Variants in PFKP observed in about 807,000 individuals in gnomAD.
PFKP encodes ATP-dependent 6-phosphofructokinase, platelet type.
PFKP carries 101 observed loss-of-function variants against 94.3 expected under a neutral mutation model. That is an observed-to-expected ratio of 1.07 (90% CI 0.91 to 1.26). The LOEUF (loss-of-function observed/expected upper bound fraction) is 1.26. PFKP is among the 50% of genes most tolerant of loss of function. The pLI is 0.00. For missense variants in PFKP, 1,145 were observed against 1,103.3 expected, an observed-to-expected ratio of 1.04 and a Z score of -0.53; for synonymous variants, 573 against 432.6, an observed-to-expected ratio of 1.32 and a Z score of -4.03.
At chr10:3,076,589 G>A (rs1405202725) in intron 1 of PFKP, among the ~76,000 whole-genome samples, 2 of 151,520 alleles carry the variant, frequency 1.3e-5, no homozygotes, top group Admixed American at 6.6e-5. Context: ...TAGCACTTAC[G>A]GCCATCCATC....
chr10:3,073,471 G>A (rs1832347844), intron 1 of PFKP, among the ~76,000 whole-genome samples: 1 of 144,330 alleles, frequency 6.9e-6, no homozygotes. Flanking sequence ...GTGGGTCTGA[G>A]TGAGGCTCCG....
At chr10:3,072,687 T>G (rs1460282846) in intron 1 of PFKP, among the ~76,000 whole-genome samples, 1 of 151,928 alleles carries the variant, frequency 6.6e-6, no homozygotes, top group African/African-American at 2.4e-5. Flanking sequence ...TTTTCCCCCT[T>G]GGTTACAGAA....
At position 3,082,484 on chromosome 10, in the gene PFKP, C is replaced by A. The variant is rs1554759907; in HGVS notation, c.186+23C>A. On this transcript the variant is annotated intron_variant, in intron 2 of 21. Transcript: ENST00000381125. ...GAGGTCAGTGTCTGCCCCTCACCCC[C>A]TGTCGCCCTTCTTCCACCTGCCCAG... is the stretch of plus-strand genomic sequence containing the variant. 2.5e-6 allele frequency: 4 copies of A among 1,577,002 alleles called. No individual in the cohort carries two copies. In the South Asian group the frequency reaches 3.4e-5, roughly 13 times the overall value.
At position 3,090,181 on chromosome 10, in the gene PFKP, G is replaced by T. The variant is rs568855798; in HGVS notation, c.186+7720G>T. Among the ~76,000 whole-genome samples the T allele has an allele frequency of 1.9e-3, 286 of 152,300 alleles. 1 individual carries two copies. Among genetic ancestry groups the T allele is most frequent in the African/African-American group, 6.7e-3 (278 of 41,560 alleles). On this transcript the variant is annotated intron_variant, in intron 2 of 21. Transcript: ENST00000381125. Reference sequence around the variant, plus strand: ...TAAAATGTGGCGTATATACGCAATGGAATATTTTTAAGCCATTAGAAAACC... The same window carrying T: ...TAAAATGTGGCGTATATACGCAATGTAATATTTTTAAGCCATTAGAAAACC...
intron 10 of PFKP, 113 bp from the exon 11 acceptor site, chr10:3,112,109 C>A: frequency 1.2e-6 from 1 of 843,488 alleles, no homozygotes; most frequent in Non-Finnish European, 2.0e-6. Context: ...GCTGGCTGCC[C>A]GGGTCAGACT....
At chr10:3,094,330 G>A (rs1278434661) in intron 2 of PFKP, among the ~76,000 whole-genome samples, 1 of 152,220 alleles carries the variant, frequency 6.6e-6, no homozygotes, top group South Asian at 2.1e-4. Flanking sequence ...ACATCATGCT[G>A]TTGCATTATT....
At chr10:3,109,240 C>T (rs1288066430) in intron 9 of PFKP, 115 bp from the exon 10 acceptor site, 21 of 1,355,176 alleles carry the variant, frequency 1.5e-5, no homozygotes, top group Admixed American at 1.2e-4. Flanking sequence ...GGGCTGGAAG[C>T]GGGAGGGGCT....
chr10:3,080,284 G>A (rs1044527163), intron 1 of PFKP, among the ~76,000 whole-genome samples: 3 of 152,200 alleles, frequency 2.0e-5, no homozygotes, highest in African/African-American at 7.2e-5. Context: ...TTGGGAGGCT[G>A]AGGCGGATGG....
intron 2 of PFKP, among the ~76,000 whole-genome samples, chr10:3,086,306 C>CAG (rs1057044688): frequency 3.3e-5 from 5 of 152,122 alleles, no homozygotes; most frequent in African/African-American, 1.2e-4. Context: ...ACTCTGGGTG[C>CAG]AGAGGAAAGG....
chr10:3,080,122 A>G (rs924793316), intron 1 of PFKP, among the ~76,000 whole-genome samples: 66 of 152,172 alleles, frequency 4.3e-4, no homozygotes, highest in African/African-American at 1.5e-3. Context: ...GTGCTGCCAG[A>G]CAGGTGGGAG....
intron 15 of PFKP, among the ~76,000 whole-genome samples, chr10:3,119,512 G>A (rs1837179022): frequency 6.6e-6 from 1 of 152,142 alleles, no homozygotes; most frequent in Admixed American, 6.5e-5. Context: ...GGCTGAGGCA[G>A]GAGAATCGCT....
rs1836341825 is a variant in PFKP at position 3,112,427 on chromosome 10, C to T, written c.1154+141C>T. ...GTCAGGCAGTACTCACAGCACCGCT[C>T]TTGCAGTAGCAGGCCCTGGTGACTG... On this transcript the variant is annotated intron_variant, in intron 11 of 21. Transcript: ENST00000381125. 4.2e-6 allele frequency: 3 copies of T among 707,750 alleles called. No individual in the cohort carries two copies. In the South Asian group the frequency reaches 4.6e-5, roughly 11 times the overall value. The allele number at this position is 707,750 out of a possible 1,614,324, so 43.8% of individuals were successfully genotyped here. A position where few individuals can be genotyped will look rare whatever the true frequency, so the allele number is the denominator to read the frequency against.
At chr10:3,098,112 GATTA>G (rs1414565262) in intron 2 of PFKP, among the ~76,000 whole-genome samples, 1 of 152,132 alleles carries the variant, frequency 6.6e-6, no homozygotes, top group African/African-American at 2.4e-5. Flanking sequence ...CTGCACTATT[GATTA>G]ATTTATATAT....
At chr10:3,098,915 C>T (rs1210896347) in intron 2 of PFKP, among the ~76,000 whole-genome samples, 4 of 152,194 alleles carry the variant, frequency 2.6e-5, no homozygotes, top group African/African-American at 9.6e-5. Context: ...GTGCTGTGTG[C>T]CTGTGAGTTT....
chr10:3,126,770 TGTG>T (rs1224995588), intron 16 of PFKP, among the ~76,000 whole-genome samples: 5 of 152,238 alleles, frequency 3.3e-5, no homozygotes, highest in African/African-American at 7.2e-5. Context: ...TGGAGCAAAG[TGTG>T]GTGATGTTTG....
rs542883615 is a variant in PFKP, at chr10:3,110,125, G to A, written c.1089+645G>A. On this transcript the variant is annotated intron_variant, in intron 10 of 21. Coordinates refer to ENST00000381125, the MANE Select transcript of PFKP (RefSeq NM_002627.5). ...TGCCTGCAAATGAACAAAGGGAAAAGCAGTTCCAGCTTTTCAGGCATTGGT... is the reference window on the plus strand; with the variant it reads ...TGCCTGCAAATGAACAAAGGGAAAAACAGTTCCAGCTTTTCAGGCATTGGT... Among the ~76,000 whole-genome samples the A allele has an allele frequency of 2.9e-3, 437 of 152,284 alleles. 6 individuals are homozygous for A. The highest frequency in any genetic ancestry group is 1.5e-3 in the East Asian group (8 of 5,178).
chr10:3,104,490 G>C (rs1008551768), intron 5 of PFKP, among the ~76,000 whole-genome samples: 1 of 152,196 alleles, frequency 6.6e-6, no homozygotes, highest in Non-Finnish European at 1.5e-5. Flanking sequence ...CGAGGTGCTC[G>C]AGACTGGGAG....
rs559695628 is a variant in PFKP at position 3,135,726 on chromosome 10, T to C, written c.2123-10T>C. On this transcript the variant is annotated splice_polypyrimidine_tract_variant and intron_variant, in intron 20 of 21. Coordinates refer to ENST00000381125, the MANE Select transcript of PFKP (RefSeq NM_002627.5). ...AGGGTGTTATTAATCTTTTTTAAAA[T>C]CTTTTATAGGAAAAAAATTTACCAC... The C allele has an allele frequency of 3.8e-6, 6 of 1,567,634 alleles. No individual in the cohort carries two copies. The Admixed American group carries it at 8.5e-5, about 22-fold the overall frequency.
chr10:3,097,195 T>C (rs2131515122), intron 2 of PFKP, among the ~76,000 whole-genome samples: 1 of 151,882 alleles, frequency 6.6e-6, no homozygotes, highest in Admixed American at 6.6e-5. Flanking sequence ...TACCTACCTA[T>C]TGTACTTACA....
Sources: gnomAD v4.1 joint callset for allele counts (sites outside exome capture counted in the v4.1 genomes callset) on GRCh38, gnomAD v4.1.1 for gene constraint, MANE v1.5 for transcripts, NCBI Gene and HGNC (gene_info 2026-07-23, HGNC 2026-07-21) for gene names.